Variants in MIPOL1 observed in about 807,000 individuals in gnomAD.
The protein encoded by MIPOL1 is mirror-image polydactyly 1.
A neutral mutation model predicts 60.9 loss-of-function variants in MIPOL1; 57 were observed. The observed-to-expected ratio is 0.94, with a 90% CI of 0.76 to 1.17. The LOEUF (loss-of-function observed/expected upper bound fraction) is 1.17, where lower values mean the gene tolerates loss of function less well. Among genes scored for constraint, MIPOL1 ranks in the 50% most tolerant of loss-of-function variants. The probability of loss-of-function intolerance (pLI) is 0.00; values close to 1 mark genes in which losing one functional copy is unlikely to be tolerated. For missense variants in MIPOL1, 551 were observed against 511.6 expected, an observed-to-expected ratio of 1.08 and a Z score of -0.74; for synonymous variants, 179 against 168.8, an observed-to-expected ratio of 1.06 and a Z score of -0.47.
At chr14:37,480,712 T>C (rs1223997086) in intron 11 of MIPOL1, among the ~76,000 whole-genome samples, 1 of 151,964 alleles carries the variant, frequency 6.6e-6, no homozygotes. Flanking sequence ...GCCAGAGCAA[T>C]TAGGCAAGAG....
chr14:37,514,262 G>T (rs1300222592), intron 12 of MIPOL1, among the ~76,000 whole-genome samples: 1 of 151,998 alleles, frequency 6.6e-6, no homozygotes, highest in Non-Finnish European at 1.5e-5. Flanking sequence ...ATAGCTCCTG[G>T]GTACTTCTGT....
chr14:37,215,250 C>T (rs1481907953), intron 1 of MIPOL1, among the ~76,000 whole-genome samples: 1 of 152,044 alleles, frequency 6.6e-6, no homozygotes, highest in Non-Finnish European at 1.5e-5. Flanking sequence ...CCTTACCCTG[C>T]CCCCTTGTCT....
chr14:37,407,841 TC>T lies in MIPOL1; in HGVS notation c.937-15013del, dbSNP rs1566543603. Among the ~76,000 whole-genome samples the T allele has an allele frequency of 9.0e-4, 81 of 90,130 alleles. 1 individual carries two copies. Among genetic ancestry groups the T allele is most frequent in the African/African-American group, 4.9e-3 (72 of 14,650 alleles). The allele number at this position is 90,130 out of a possible 152,430, so 59.1% of individuals were successfully genotyped here. The stretch of plus-strand genomic sequence containing the variant: ...TATTTTTTCTTTTCTTTCTTCTTCT[TC>T]TTCTTTTTTTTTTTTTTTTTTTTTG... On this transcript the variant is annotated intron_variant, in intron 10 of 12. Transcript: ENST00000684589.
chr14:37,337,963 C>G (rs567024078), intron 9 of MIPOL1, among the ~76,000 whole-genome samples: 5 of 151,884 alleles, frequency 3.3e-5, no homozygotes, highest in African/African-American at 1.2e-4. Flanking sequence ...CTAAAATTTA[C>G]TCCTGTTTTT....
chr14:37,313,499 C>G (rs2153438130), intron 9 of MIPOL1, among the ~76,000 whole-genome samples: 1 of 152,116 alleles, frequency 6.6e-6, no homozygotes, highest in East Asian at 1.9e-4. Context: ...TTGCTGGTAC[C>G]TAAGTGAGGG....
intron 6 of MIPOL1, among the ~76,000 whole-genome samples, chr14:37,273,526 A>G (rs2083442276): frequency 6.6e-6 from 1 of 150,952 alleles, no homozygotes; most frequent in Admixed American, 6.6e-5. Context: ...CCTTGTATTT[A>G]TTTTTATATA....
chr14:37,461,663 A>T (rs1464577450), intron 11 of MIPOL1, among the ~76,000 whole-genome samples: 2 of 152,194 alleles, frequency 1.3e-5, no homozygotes, highest in Non-Finnish European at 2.9e-5. Flanking sequence ...GGCATTGGGT[A>T]AATACAGCCA....
intron 12 of MIPOL1, among the ~76,000 whole-genome samples, chr14:37,526,726 A>G (rs955025044): frequency 6.6e-6 from 1 of 151,984 alleles, no homozygotes; most frequent in Admixed American, 6.6e-5. Flanking sequence ...GCTGTAAATG[A>G]GCAGTCTTCC....
intron 9 of MIPOL1, among the ~76,000 whole-genome samples, chr14:37,342,116 C>T (rs559007190): frequency 1.3e-5 from 2 of 152,162 alleles, no homozygotes; most frequent in East Asian, 2.0e-4. Flanking sequence ...AATCCCAGCA[C>T]TTTGGGAGGC....
chr14:37,431,745 A>G (rs1412608118), intron 11 of MIPOL1, among the ~76,000 whole-genome samples: 1 of 138,620 alleles, frequency 7.2e-6, no homozygotes, highest in African/African-American at 2.7e-5. Context: ...TGCCTGGCTA[A>G]TTTTTTTTTT....
intron 10 of MIPOL1, among the ~76,000 whole-genome samples, chr14:37,407,953 A>T (rs1351226028): frequency 6.8e-6 from 1 of 148,082 alleles, no homozygotes; most frequent in Non-Finnish European, 1.5e-5. Flanking sequence ...GGACTCAAGC[A>T]GTACTCCTGC....
intron 7 of MIPOL1, among the ~76,000 whole-genome samples, chr14:37,306,965 A>G (rs1190279043): frequency 1.3e-5 from 2 of 151,838 alleles, no homozygotes; most frequent in African/African-American, 4.8e-5. Context: ...GATACTATTT[A>G]TGTCTAGAAA....
chr14:37,251,671 A>G (rs1416327187), intron 3 of MIPOL1, among the ~76,000 whole-genome samples: 2 of 152,072 alleles, frequency 1.3e-5, no homozygotes, highest in South Asian at 2.1e-4. Flanking sequence ...ATACATAACT[A>G]TGTAAGAAAA....
intron 1 of MIPOL1, among the ~76,000 whole-genome samples, chr14:37,214,288 A>G (rs1057245638): frequency 9.9e-5 from 15 of 152,232 alleles, no homozygotes; most frequent in African/African-American, 2.9e-4. Flanking sequence ...ACATAGTACC[A>G]TAAGATGTAA....
At chr14:37,545,783 A>C in intron 12 of MIPOL1, 1 of 546,008 alleles carries the variant, frequency 1.8e-6, no homozygotes, top group South Asian at 2.3e-5. Flanking sequence ...TTTGTATGAC[A>C]CTAAGAATAC....
intron 11 of MIPOL1, among the ~76,000 whole-genome samples, chr14:37,487,094 A>G (rs1249726539): frequency 6.6e-6 from 1 of 151,984 alleles, no homozygotes; most frequent in Non-Finnish European, 1.5e-5. Context: ...TGAGATAATC[A>G]TGTGTTTTTT....
chr14:37,531,208 T>C (rs1025562330), intron 12 of MIPOL1, among the ~76,000 whole-genome samples: 7 of 152,188 alleles, frequency 4.6e-5, no homozygotes, highest in African/African-American at 1.4e-4. Context: ...TTTGCCTCTC[T>C]TTGTTCCTGC....
intron 10 of MIPOL1, among the ~76,000 whole-genome samples, chr14:37,412,865 A>C (rs1409705284): frequency 6.6e-6 from 1 of 152,108 alleles, no homozygotes; most frequent in Non-Finnish European, 1.5e-5. Context: ...GCAGGTGAAA[A>C]ATTTTCTGGA....
intron 6 of MIPOL1, among the ~76,000 whole-genome samples, chr14:37,274,620 A>G (rs987648237): frequency 6.6e-6 from 1 of 151,360 alleles, no homozygotes; most frequent in Non-Finnish European, 1.5e-5. Context: ...TACACCATAC[A>G]TGTTGTAAGT....
Sources: gnomAD v4.1 joint callset for allele counts (sites outside exome capture counted in the v4.1 genomes callset) on GRCh38, gnomAD v4.1.1 for gene constraint, MANE v1.5 for transcripts, NCBI Gene and HGNC (gene_info 2026-07-23, HGNC 2026-07-21) for gene names.